Variants in PTPN13 observed in about 807,000 individuals in gnomAD.
PTPN13 encodes the protein tyrosine-protein phosphatase non-receptor type 13.
In PTPN13, 191 loss-of-function variants were observed where a neutral mutation model predicts 284.0. That is an observed-to-expected ratio of 0.67 (90% CI 0.60 to 0.76). PTPN13 has a LOEUF of 0.76. PTPN13 is among the 30% of genes least tolerant of loss of function. The pLI is 0.00. For missense variants in PTPN13, 2,797 were observed against 2,939.9 expected (o/e 0.95, Z 1.12); for synonymous variants, 986 against 1,022.3 (o/e 0.96, Z 0.68).
intron 15 of PTPN13, among the ~76,000 whole-genome samples, chr4:86,739,138 T>A (rs1487308016): frequency 1.3e-5 from 2 of 152,228 alleles, no homozygotes; most frequent in Non-Finnish European, 2.9e-5. Context: ...TGTATTTAGG[T>A]CTGTGGTCCA....
intron 17 of PTPN13, among the ~76,000 whole-genome samples, chr4:86,748,748 C>T (rs1231979067): frequency 7.2e-5 from 11 of 152,086 alleles, no homozygotes; most frequent in Admixed American, 1.3e-4. Flanking sequence ...CTCTACCTCC[C>T]GGGTTCACGC....
chr4:86,731,409 G>A (rs1734944340), intron 10 of PTPN13, among the ~76,000 whole-genome samples: 1 of 152,160 alleles, frequency 6.6e-6, no homozygotes, highest in Admixed American at 6.5e-5. Flanking sequence ...TAAATACAGA[G>A]TTTGCACTCT....
chr4:86,764,742 T>G lies in PTPN13; in HGVS notation c.4149+18T>G, dbSNP rs548473633. ...GTGTCACGGTACTGTTTGACAAGGT[T>G]TTCAAATGTTTTCTCTTCTTTAATT... is the stretch of plus-strand genomic sequence containing the variant. On this transcript the variant is annotated intron_variant, in intron 25 of 47. Transcript: ENST00000411767. The G allele has an allele frequency of 6.3e-7, 1 of 1,587,332 alleles. No individual in the cohort carries two copies. Among genetic ancestry groups the G allele is most frequent in the Non-Finnish European group, 8.5e-7 (1 of 1,172,932 alleles).
At chr4:86,784,389 GA>G in intron 37 of PTPN13, 75 bp from the exon 38 acceptor site, 1 of 891,404 alleles carries the variant, frequency 1.1e-6, no homozygotes, top group Non-Finnish European at 1.7e-6. Context: ...GAAGAGGAGA[GA>G]GACAATGTGC....
At chr4:86,683,780 T>A (rs1208906165) in intron 3 of PTPN13, among the ~76,000 whole-genome samples, 1 of 152,206 alleles carries the variant, frequency 6.6e-6, no homozygotes, top group African/African-American at 2.4e-5. Flanking sequence ...TCACTTGGCA[T>A]ATTGAGAAGT....
At chr4:86,727,519 ACTT>A (rs1734418531) in intron 10 of PTPN13, among the ~76,000 whole-genome samples, 2 of 149,114 alleles carry the variant, frequency 1.3e-5, no homozygotes, top group African/African-American at 2.4e-5. Flanking sequence ...CAGAGATTTG[ACTT>A]CTTCATGGTT....
chr4:86,596,135 CTTTGTGGGAG>C (rs1482012308), intron 1 of PTPN13, among the ~76,000 whole-genome samples: 1 of 152,018 alleles, frequency 6.6e-6, no homozygotes, highest in Non-Finnish European at 1.5e-5. Context: ...GTTCTAGAGG[CTTTGTGGGAG>C]TATGTGTGGG....
intron 23 of PTPN13, among the ~76,000 whole-genome samples, chr4:86,761,171 A>ATATATATATAC (rs1166814661): frequency 2.3e-5 from 2 of 85,956 alleles, no homozygotes; most frequent in African/African-American, 8.2e-5. Context: ...TATATATATA[A>ATATATATATAC]ACACAACACA....
intron 28 of PTPN13, 94 bp downstream of exon 28, chr4:86,768,070 G>C (rs1269631962): frequency 1.8e-6 from 2 of 1,138,856 alleles, no homozygotes; most frequent in Admixed American, 2.8e-5. Flanking sequence ...TAATGCCCTA[G>C]TTTTGTTCAT....
chr4:86,665,698 C>T (rs996201577), intron 2 of PTPN13, among the ~76,000 whole-genome samples: 1 of 152,236 alleles, frequency 6.6e-6, no homozygotes, highest in South Asian at 2.1e-4. Context: ...ATTTGTATTT[C>T]TAATATTTTT....
At chr4:86,787,523 C>T (rs986148406) in intron 40 of PTPN13, among the ~76,000 whole-genome samples, 10 of 151,234 alleles carry the variant, frequency 6.6e-5, no homozygotes, top group South Asian at 6.2e-4. Flanking sequence ...ACCTGGCAGA[C>T]GGAGGTTGCG....
chr4:86,771,800 G>C (rs1740032478), intron 31 of PTPN13, among the ~76,000 whole-genome samples: 1 of 152,164 alleles, frequency 6.6e-6, no homozygotes, highest in African/African-American at 2.4e-5. Flanking sequence ...GTATTTCACT[G>C]TTAATCATAC....
At chr4:86,619,522 C>G (rs894413441) in intron 1 of PTPN13, among the ~76,000 whole-genome samples, 3 of 152,118 alleles carry the variant, frequency 2.0e-5, no homozygotes, top group Non-Finnish European at 2.9e-5. Context: ...AATCTTCAGG[C>G]CTTTCATTTC....
Position 86,771,405 on chromosome 4 carries a change from C to T in PTPN13, c.5038C>T (p.His1680Tyr). 6.4e-7 allele frequency: 1 copy of T among 1,567,274 alleles called. No individual in the cohort carries two copies. Among genetic ancestry groups the T allele is most frequent in the South Asian group, 1.2e-5 (1 of 85,242 alleles). The change falls in exon 31 of 48, where the codon CAT becomes TAT. Residue 1680 changes from histidine (H) to tyrosine (Y), a missense_variant. By Grantham distance (83) the His-to-Tyr change is moderately conservative. Coordinates refer to ENST00000411767, the MANE Select transcript of PTPN13 (RefSeq NM_080683.3). Reference protein sequence around the residue: ...ISNSTWSSALHQTLSNMVSQA... With the variant: ...ISNSTWSSALYQTLSNMVSQA... ...AAATTCGACCTGGAGTTCAGCTTTG[C>T]ATCAGACTCTAAGCAACATGGTATC...
At chr4:86,650,535 TCAGACTATC>T (rs1256940943) in intron 2 of PTPN13, among the ~76,000 whole-genome samples, 1 of 152,102 alleles carries the variant, frequency 6.6e-6, no homozygotes, top group Admixed American at 6.6e-5. Flanking sequence ...TCCACCTGCC[TCAGACTATC>T]CACCTGCCTC....
At chr4:86,772,282 G>A (rs941220462) in intron 31 of PTPN13, among the ~76,000 whole-genome samples, 33 of 152,294 alleles carry the variant, frequency 2.2e-4, no homozygotes, top group Non-Finnish European at 3.4e-4. Context: ...AGGCCGGCGC[G>A]ATGGCTCACG....
chr4:86,640,293 C>T (rs1012205150), intron 2 of PTPN13, among the ~76,000 whole-genome samples: 3 of 152,080 alleles, frequency 2.0e-5, no homozygotes, highest in African/African-American at 7.2e-5. Flanking sequence ...TTGTTTGCTT[C>T]ACTTTATTTT....
intron 26 of PTPN13, among the ~76,000 whole-genome samples, chr4:86,765,858 C>T (rs528786981): frequency 2.4e-4 from 37 of 151,394 alleles, no homozygotes; most frequent in Middle Eastern, 3.4e-3. Flanking sequence ...GACAGAGTCT[C>T]ACTCTGTCAC....
rs370996838 is a variant in PTPN13 at position 86,772,856 on chromosome 4, G to A, written c.5247G>A (p.Ser1749=). The change falls in exon 32 of 48, where the codon TCG becomes TCA. Residue 1749 remains serine, a synonymous_variant. Transcript: ENST00000411767. ...AATCAGAATCTGCTTCCTCTAGTTC[G>A]ATGGATAAGTATCATATACATCACA... is the stretch of plus-strand genomic sequence containing the variant. The part of the protein sequence containing the change: ...QPQSESASSS[S]MDKYHIHHIS... The A allele has an allele frequency of 2.5e-4, 409 of 1,612,898 alleles. No individual in the cohort carries two copies. The highest frequency in any genetic ancestry group is 3.2e-4 in the Non-Finnish European group (376 of 1,179,276).
Sources: gnomAD v4.1 joint callset for allele counts (sites outside exome capture counted in the v4.1 genomes callset) on GRCh38, gnomAD v4.1.1 for gene constraint, MANE v1.5 for transcripts, NCBI Gene and HGNC (gene_info 2026-07-23, HGNC 2026-07-21) for gene names.